Variants in GABRB3 observed in about 807,000 individuals in gnomAD.
GABRB3 encodes the protein gamma-aminobutyric acid receptor subunit beta-3.
A neutral mutation model predicts 52.1 loss-of-function variants in GABRB3; 14 were observed. The observed-to-expected ratio is 0.27, with a 90% CI of 0.18 to 0.42. GABRB3 has a LOEUF of 0.42. GABRB3 is among the 10% of genes least tolerant of loss of function. GABRB3 has a pLI of 1.00. For missense variants in GABRB3, 307 were observed against 609.1 expected, an observed-to-expected ratio of 0.50 and a Z score of 5.22; for synonymous variants, 260 against 232.3, an observed-to-expected ratio of 1.12 and a Z score of -1.08.
At chr15:26,624,650 G>C in intron 3 of GABRB3, 1 of 985,512 alleles carries the variant, frequency 1.0e-6, no homozygotes, top group Non-Finnish European at 1.2e-6. Context: ...ACAGCAAGAG[G>C]GAAAAAACAG....
At chr15:26,729,383 C>T (rs1490297662) in intron 3 of GABRB3, among the ~76,000 whole-genome samples, 2 of 152,080 alleles carry the variant, frequency 1.3e-5, no homozygotes, top group Non-Finnish European at 2.9e-5. Flanking sequence ...GCTCCTGAAC[C>T]CAAGAAGGCT....
In GABRB3 at chr15:26,772,879, C is replaced by G. The variant is rs542737772; in HGVS notation, c.80+4G>C. The stretch of plus-strand genomic sequence containing the variant: ...GCCGCCCGCCGGCCCACCCGCGACC[C>G]TACCTCTGGGCGCAGCACACCACAG... On this transcript the variant is annotated splice_donor_region_variant and intron_variant, in intron 1 of 8. Coordinates refer to ENST00000311550, the MANE Select transcript of GABRB3 (RefSeq NM_000814.6). 35 of 1,474,342 alleles carry G rather than the reference C, an allele frequency of 2.4e-5. No individual in the cohort carries two copies. Among genetic ancestry groups the G allele is most frequent in the Non-Finnish European group, 3.1e-5 (34 of 1,110,000 alleles). 91.3% of individuals were successfully genotyped at this position (1,474,342 alleles called of 1,614,324 possible).
At chr15:26,769,775 C>T (rs200391374) in intron 3 of GABRB3, among the ~76,000 whole-genome samples, 8 of 152,194 alleles carry the variant, frequency 5.3e-5, no homozygotes, top group African/African-American at 1.9e-4. Flanking sequence ...TCCTCCCTCC[C>T]TCTCTGTTCT....
chr15:26,606,772 A>ATAGATATATCTATCGATAGATCTATC (rs1566770499), intron 4 of GABRB3, among the ~76,000 whole-genome samples: 2 of 81,684 alleles, frequency 2.4e-5, no homozygotes, highest in African/African-American at 6.9e-5. Context: ...GTCTATCTAT[A>ATAGATATATCTATCGATAGATCTATC]GATAGATAGA....
At chr15:26,584,955 C>T (rs959767596) in intron 4 of GABRB3, among the ~76,000 whole-genome samples, 3 of 152,118 alleles carry the variant, frequency 2.0e-5, no homozygotes, top group Non-Finnish European at 2.9e-5. Context: ...ATGAATTGAA[C>T]AGTAAAGATA....
At chr15:26,654,289 G>C (rs1467400779) in intron 3 of GABRB3, among the ~76,000 whole-genome samples, 1 of 152,164 alleles carries the variant, frequency 6.6e-6, no homozygotes, top group Non-Finnish European at 1.5e-5. Flanking sequence ...GGGACTACAG[G>C]CGCCCGCCAC....
intron 3 of GABRB3, among the ~76,000 whole-genome samples, chr15:26,769,137 T>G (rs1351837249): frequency 3.9e-5 from 6 of 152,254 alleles, no homozygotes; most frequent in Non-Finnish European, 8.8e-5. Flanking sequence ...TATCTGTTAC[T>G]GTTCTCTGCA....
intron 4 of GABRB3, among the ~76,000 whole-genome samples, chr15:26,619,322 G>A (rs1892384452): frequency 6.6e-6 from 1 of 151,696 alleles, no homozygotes; most frequent in African/African-American, 2.4e-5. Flanking sequence ...TATACACCAT[G>A]GAATACTATG....
chr15:26,649,068 G>A (rs1262490207), intron 3 of GABRB3, among the ~76,000 whole-genome samples: 13 of 152,152 alleles, frequency 8.5e-5, no homozygotes, highest in Admixed American at 6.5e-4. Context: ...TACTTCTCTC[G>A]CGCTGTTTTC....
chr15:26,648,790 T>A (rs1029560067), intron 3 of GABRB3, among the ~76,000 whole-genome samples: 1 of 152,128 alleles, frequency 6.6e-6, no homozygotes, highest in African/African-American at 2.4e-5. Context: ...GTGGAGACCA[T>A]GGTTCCTCTC....
chr15:26,663,846 T>C (rs886140355), intron 3 of GABRB3, among the ~76,000 whole-genome samples: 9 of 152,228 alleles, frequency 5.9e-5, no homozygotes, highest in African/African-American at 1.7e-4. Context: ...CTTTTGGAAG[T>C]CCATTTTAAT....
chr15:26,658,093 T>C (rs1210019638), intron 3 of GABRB3, among the ~76,000 whole-genome samples: 1 of 152,176 alleles, frequency 6.6e-6, no homozygotes, highest in African/African-American at 2.4e-5. Context: ...TTTTTCAGAC[T>C]GTGCATTGTG....
chr15:26,648,701 G>C (rs1324257428), intron 3 of GABRB3, among the ~76,000 whole-genome samples: 1 of 152,228 alleles, frequency 6.6e-6, no homozygotes, highest in Non-Finnish European at 1.5e-5. Context: ...GGTCACAGGA[G>C]AGAAACAGTG....
chr15:26,667,974 G>A (rs774302196), intron 3 of GABRB3, among the ~76,000 whole-genome samples: 4 of 152,154 alleles, frequency 2.6e-5, no homozygotes, highest in Non-Finnish European at 4.4e-5. Context: ...CAATCAAAAC[G>A]AGGTTTGAGG....
intron 7 of GABRB3, among the ~76,000 whole-genome samples, chr15:26,564,546 G>A (rs3928441): frequency 0.52 from 79,741 of 152,078 alleles, 21,676 homozygotes; most frequent in African/African-American, 0.67. Context: ...AGCCCCACCC[G>A]TCCTAGCTAT....
chr15:26,623,696 C>G (rs1012847247), intron 3 of GABRB3, among the ~76,000 whole-genome samples: 4 of 152,108 alleles, frequency 2.6e-5, no homozygotes, highest in African/African-American at 9.7e-5. Context: ...TTAAACTGCC[C>G]CAGGTCCAGG....
intron 3 of GABRB3, among the ~76,000 whole-genome samples, chr15:26,701,097 G>A (rs1888920625): frequency 6.6e-6 from 1 of 151,898 alleles, no homozygotes; most frequent in Non-Finnish European, 1.5e-5. Flanking sequence ...AGGAAGAGAA[G>A]AGGACTTTCT....
At chr15:26,738,410 G>A (rs952803502) in intron 3 of GABRB3, among the ~76,000 whole-genome samples, 3 of 152,104 alleles carry the variant, frequency 2.0e-5, no homozygotes, top group African/African-American at 4.8e-5. Context: ...CAAAAAGGAC[G>A]GATTTCTCTT....
At chr15:26,641,525 A>G (rs1893200723) in intron 3 of GABRB3, among the ~76,000 whole-genome samples, 2 of 152,270 alleles carry the variant, frequency 1.3e-5, no homozygotes, top group Non-Finnish European at 2.9e-5. Flanking sequence ...ATGGAATACA[A>G]ACTCTTGGTT....
Sources: allele counts gnomAD v4.1 joint callset (sites outside exome capture counted in the v4.1 genomes callset), GRCh38; gene constraint gnomAD v4.1.1; transcripts MANE v1.5; gene names NCBI Gene and HGNC (gene_info 2026-07-23, HGNC 2026-07-21).